LHFPL6: variants seen among roughly 807,000 people sequenced by gnomAD.
LHFPL6 encodes LHFPL tetraspan subfamily member 6 protein.
Under a neutral mutation model 20.6 loss-of-function variants are expected in LHFPL6, and 9 were observed. The ratio of observed to expected loss-of-function variants is 0.44; its 90% CI spans 0.26 to 0.76. The LOEUF (loss-of-function observed/expected upper bound fraction) is 0.76. Ranked by LOEUF, LHFPL6 falls within the 30% of genes least tolerant of loss-of-function variation. The probability of loss-of-function intolerance (pLI) is 0.20; values close to 1 mark genes in which losing one functional copy is unlikely to be tolerated. For synonymous variants in LHFPL6, 105 were observed against 98.7 expected, an observed-to-expected ratio of 1.06 and a Z score of -0.38; for missense variants, 218 against 253.5, an observed-to-expected ratio of 0.86 and a Z score of 0.95.
chr13:39,571,960 C>T (rs568007160), intron 2 of LHFPL6, among the ~76,000 whole-genome samples: 5 of 152,300 alleles, frequency 3.3e-5, no homozygotes, highest in Non-Finnish European at 7.4e-5. Context: ...GTGTGACGAG[C>T]CAAGTAGAGG....
chr13:39,556,355 T>A lies in LHFPL6; in HGVS notation c.385+44477A>T, dbSNP rs189298743. 5.4e-3 allele frequency among the ~76,000 whole-genome samples: 817 copies of A among 152,236 alleles called. 4 individuals carry two copies. The highest frequency in any genetic ancestry group is 0.019 in the African/African-American group (787 of 41,528). ...AAGTTTGGAACTTCTTAGAGACTGG[T>A]TAAATGGTTGTGACCAAAACGCTGA... is the stretch of plus-strand genomic sequence containing the variant. On this transcript the variant is annotated intron_variant, in intron 2 of 3. Transcript: ENST00000379589.
chr13:39,469,816 C>T (rs1036078169), intron 2 of LHFPL6, among the ~76,000 whole-genome samples: 1 of 152,044 alleles, frequency 6.6e-6, no homozygotes, highest in African/African-American at 2.4e-5. Context: ...ACTAGGGAAA[C>T]AAAAAATGAA....
intron 2 of LHFPL6, among the ~76,000 whole-genome samples, chr13:39,540,904 G>C (rs1353582581): frequency 2.0e-5 from 3 of 152,080 alleles, no homozygotes; most frequent in Admixed American, 1.3e-4. Flanking sequence ...TTTAGAACAC[G>C]TTAACAGAGA....
chr13:39,374,328 C>G (rs1471725581), intron 3 of LHFPL6, among the ~76,000 whole-genome samples: 1 of 152,000 alleles, frequency 6.6e-6, no homozygotes, highest in East Asian at 1.9e-4. Flanking sequence ...GAGCTAAACA[C>G]TAAGTACTCA....
At chr13:39,563,097 C>T (rs1593365072) in intron 2 of LHFPL6, among the ~76,000 whole-genome samples, 1 of 42,994 alleles carries the variant, frequency 2.3e-5, no homozygotes, top group Non-Finnish European at 4.0e-5. Flanking sequence ...TAGAAACACA[C>T]ACACACACAC....
intron 2 of LHFPL6, among the ~76,000 whole-genome samples, chr13:39,390,126 C>A (rs1478285999): frequency 6.8e-6 from 1 of 148,080 alleles, no homozygotes; most frequent in Non-Finnish European, 1.5e-5. Flanking sequence ...AGGAGCCCCA[C>A]ACCAACAGTA....
intron 3 of LHFPL6, among the ~76,000 whole-genome samples, chr13:39,351,367 T>C (rs1461855584): frequency 6.6e-6 from 1 of 151,730 alleles, no homozygotes. Context: ...ATAAGTAACT[T>C]ACCCATTATC....
intron 2 of LHFPL6, among the ~76,000 whole-genome samples, chr13:39,389,999 C>G (rs1400633638): frequency 9.9e-5 from 15 of 152,132 alleles, no homozygotes; most frequent in Non-Finnish European, 1.5e-5. Flanking sequence ...ACATCAAGAG[C>G]ACAAGCACCA....
At chr13:39,487,607 C>T (rs1174449316) in intron 2 of LHFPL6, among the ~76,000 whole-genome samples, 4 of 152,210 alleles carry the variant, frequency 2.6e-5, no homozygotes, top group Non-Finnish European at 5.9e-5. Context: ...TTAGCAAATT[C>T]CCACATTAAT....
At chr13:39,504,764 T>G (rs1452240506) in intron 2 of LHFPL6, among the ~76,000 whole-genome samples, 1 of 152,212 alleles carries the variant, frequency 6.6e-6, no homozygotes, top group Non-Finnish European at 1.5e-5. Flanking sequence ...CTGTCACACA[T>G]GAAACTGGGG....
intron 2 of LHFPL6, among the ~76,000 whole-genome samples, chr13:39,489,010 C>T (rs182608861): frequency 2.6e-5 from 4 of 152,250 alleles, no homozygotes; most frequent in East Asian, 1.9e-4. Flanking sequence ...TTGGCTTTCC[C>T]GCTTTACTCC....
rs539805223 is a variant in LHFPL6, at chr13:39,343,807, G to A, written c.*129C>T. 13 of 587,344 alleles carry A rather than the reference G, an allele frequency of 2.2e-5. No individual in the cohort carries two copies. Among genetic ancestry groups the A allele is most frequent in the Admixed American group, 1.1e-4 (4 of 36,730 alleles). 36.4% of individuals were successfully genotyped at this position (587,344 alleles called of 1,614,324 possible). A position where few individuals can be genotyped will look rare whatever the true frequency, so the allele number is the denominator to read the frequency against. On this transcript the variant is annotated 3_prime_UTR_variant, in exon 4 of 4. Transcript: ENST00000379589. ...CCTATATCATGTTCCTGATTTTATC[G>A]GGTTTCATTTTATTAGCATTGTATT...
intron 3 of LHFPL6, among the ~76,000 whole-genome samples, chr13:39,364,071 T>C (rs929806321): frequency 6.6e-6 from 1 of 152,228 alleles, no homozygotes; most frequent in African/African-American, 2.4e-5. Flanking sequence ...CGATCCATCA[T>C]TGACTGAAAC....
intron 2 of LHFPL6, among the ~76,000 whole-genome samples, chr13:39,582,356 C>T (rs911511844): frequency 1.3e-5 from 2 of 152,108 alleles, no homozygotes; most frequent in Admixed American, 1.3e-4. Context: ...GTAACAAGAC[C>T]CAACCATGTG....
chr13:39,561,255 C>G (rs1254897355), intron 2 of LHFPL6, among the ~76,000 whole-genome samples: 1 of 152,042 alleles, frequency 6.6e-6, no homozygotes, highest in African/African-American at 2.4e-5. Flanking sequence ...TGCATTATTA[C>G]TTGTCAACCT....
chr13:39,430,678 C>T (rs995343093), intron 2 of LHFPL6, among the ~76,000 whole-genome samples: 11 of 152,296 alleles, frequency 7.2e-5, no homozygotes, highest in South Asian at 4.1e-4. Flanking sequence ...CACCAATCAG[C>T]GCTCTGCGTC....
chr13:39,393,520 G>T (rs1870763400), intron 2 of LHFPL6, among the ~76,000 whole-genome samples: 1 of 152,140 alleles, frequency 6.6e-6, no homozygotes, highest in African/African-American at 2.4e-5. Context: ...AAGAGAACAG[G>T]CTGGGAGATG....
chr13:39,465,273 T>G (rs558217711), intron 2 of LHFPL6, among the ~76,000 whole-genome samples: 1 of 152,258 alleles, frequency 6.6e-6, no homozygotes, highest in South Asian at 2.1e-4. Flanking sequence ...GTACCAATAC[T>G]AATTTCTAGA....
At chr13:39,550,922 T>C (rs2138511819) in intron 2 of LHFPL6, among the ~76,000 whole-genome samples, 1 of 152,238 alleles carries the variant, frequency 6.6e-6, no homozygotes, top group South Asian at 2.1e-4. Flanking sequence ...TACAGAAAGT[T>C]TGCAAGAATC....
Sources: allele counts gnomAD v4.1 joint callset (sites outside exome capture counted in the v4.1 genomes callset), GRCh38; gene constraint gnomAD v4.1.1; transcripts MANE v1.5; gene names NCBI Gene and HGNC (gene_info 2026-07-23, HGNC 2026-07-21).